The following CDH20 variants were observed in gnomAD, a reference collection of about 807,000 sequenced individuals.
The protein encoded by CDH20 is cadherin 20, also known as cadherin-20.
CDH20 carries 29 observed loss-of-function variants against 74.2 expected under a neutral mutation model. That is an observed-to-expected ratio of 0.39 (90% CI 0.29 to 0.53). CDH20 has a LOEUF of 0.53. CDH20 is among the 20% of genes least tolerant of loss of function. The pLI, the probability that CDH20 is intolerant of heterozygous loss-of-function variation, is 0.69. For synonymous variants in CDH20, 469 were observed against 405.4 expected, an observed-to-expected ratio of 1.16 and a Z score of -1.88; for missense variants, 988 against 1,048.3, an observed-to-expected ratio of 0.94 and a Z score of 0.79.
chr18:61,547,421 T>G (rs986705586), intron 10 of CDH20, among the ~76,000 whole-genome samples: 8 of 152,206 alleles, frequency 5.3e-5, no homozygotes, highest in Admixed American at 6.5e-5. Flanking sequence ...TGTCCTTTTA[T>G]GAACACAACA....
rs573027527 is a variant in CDH20 at position 61,546,767 on chromosome 18, T to C, written c.1648+1623T>C. Among the ~76,000 whole-genome samples the C allele has an allele frequency of 4.6e-5, 7 of 152,336 alleles. 1 individual carries two copies. The South Asian group carries it at 1.5e-3, about 32-fold the overall frequency. The stretch of plus-strand genomic sequence containing the variant: ...ATGGGCCACCGGCACTGGATGACTA[T>C]AGTAAGACGTGACTCATCTCTTGGA... On this transcript the variant is annotated intron_variant, in intron 10 of 11. Transcript: ENST00000262717.
rs183725001 is a variant in CDH20 at position 61,542,733 on chromosome 18, G to C, written c.1531-2294G>C. ...AGGCTGTACAAGAAGCATGGTGCCAGCATCTGCATCTAGGGAGGGCCTCAA... is the reference window on the plus strand; with the variant it reads ...AGGCTGTACAAGAAGCATGGTGCCACCATCTGCATCTAGGGAGGGCCTCAA... On this transcript the variant is annotated intron_variant, in intron 9 of 11. Coordinates refer to ENST00000262717, the MANE Select transcript of CDH20 (RefSeq NM_031891.4). Among the ~76,000 whole-genome samples, 197 of 152,292 alleles carry C rather than the reference G, an allele frequency of 1.3e-3. 1 individual carries two copies. The highest frequency in any genetic ancestry group is 3.8e-3 in the Admixed American group (58 of 15,304).
At chr18:61,485,335 G>C (rs1280120512) in intron 1 of CDH20, among the ~76,000 whole-genome samples, 1 of 152,188 alleles carries the variant, frequency 6.6e-6, no homozygotes, top group Non-Finnish European at 1.5e-5. Context: ...GAAATGTTAA[G>C]TTGGGAGGAG....
chr18:61,341,498 A>C (rs140404401), intron 1 of CDH20, among the ~76,000 whole-genome samples: 1 of 152,170 alleles, frequency 6.6e-6, no homozygotes, highest in African/African-American at 2.4e-5. Flanking sequence ...ACAAACACTC[A>C]CAGGTCATTG....
chr18:61,457,037 G>T (rs1018141565), intron 1 of CDH20, among the ~76,000 whole-genome samples: 7 of 152,154 alleles, frequency 4.6e-5, no homozygotes, highest in African/African-American at 1.7e-4. Context: ...AACATTCAGT[G>T]CATGAATGCA....
rs1913606038 is a variant in CDH20 at position 61,555,737 on chromosome 18, G to A, written c.*1042G>A. On this transcript the variant is annotated 3_prime_UTR_variant, in exon 12 of 12. Transcript: ENST00000262717. Reference sequence around the variant, plus strand: ...AATAAATATGATGTACTGCATCTCAGTACCTTAGCACTTCTTTTAATAAAA... The same window carrying A: ...AATAAATATGATGTACTGCATCTCAATACCTTAGCACTTCTTTTAATAAAA... 2.1e-6 allele frequency: 2 copies of A among 960,344 alleles called. No individual in the cohort carries two copies. Among genetic ancestry groups the A allele is most frequent in the Non-Finnish European group, 2.5e-6 (2 of 807,136 alleles). The allele number at this position is 960,344 out of a possible 1,614,324, so 59.5% of individuals were successfully genotyped here. A position where few individuals can be genotyped will look rare whatever the true frequency, so the allele number is the denominator to read the frequency against.
At chr18:61,475,670 C>T (rs1910349381) in intron 1 of CDH20, among the ~76,000 whole-genome samples, 1 of 152,086 alleles carries the variant, frequency 6.6e-6, no homozygotes, top group Admixed American at 6.6e-5. Flanking sequence ...TGATATAGAA[C>T]CTACTGTATA....
chr18:61,387,452 G>A (rs1316996619), intron 1 of CDH20, among the ~76,000 whole-genome samples: 1 of 152,170 alleles, frequency 6.6e-6, no homozygotes, highest in East Asian at 1.9e-4. Context: ...AGAACCTACA[G>A]GAGCATGTAT....
chr18:61,396,546 C>T (rs1488210844), intron 1 of CDH20, among the ~76,000 whole-genome samples: 2 of 152,144 alleles, frequency 1.3e-5, no homozygotes, highest in African/African-American at 4.8e-5. Context: ...TTCTGTTAGA[C>T]AGCTCTCCCA....
intron 10 of CDH20, among the ~76,000 whole-genome samples, chr18:61,547,865 A>G (rs898643849): frequency 6.6e-6 from 1 of 152,220 alleles, no homozygotes; most frequent in South Asian, 2.1e-4. Flanking sequence ...CACTGGACTC[A>G]GCAATGTGAT....
chr18:61,354,744 A>G (rs1173774031), intron 1 of CDH20, among the ~76,000 whole-genome samples: 1 of 152,096 alleles, frequency 6.6e-6, no homozygotes, highest in African/African-American at 2.4e-5. Flanking sequence ...ATATATTGAT[A>G]TTATTTTTTC....
At chr18:61,552,377 T>C (rs1406741459) in intron 11 of CDH20, among the ~76,000 whole-genome samples, 1 of 152,054 alleles carries the variant, frequency 6.6e-6, no homozygotes, top group African/African-American at 2.4e-5. Flanking sequence ...GTAATATTTG[T>C]TATTTACCTA....
chr18:61,446,064 C>A (rs998408179), intron 1 of CDH20, among the ~76,000 whole-genome samples: 2 of 152,200 alleles, frequency 1.3e-5, no homozygotes, highest in Admixed American at 1.3e-4. Flanking sequence ...AGCCATATCA[C>A]CTCTTAGGGC....
At chr18:61,511,162 T>G (rs765673026) in intron 6 of CDH20, among the ~76,000 whole-genome samples, 4 of 148,790 alleles carry the variant, frequency 2.7e-5, no homozygotes, top group Non-Finnish European at 5.9e-5. Context: ...AATTTTTGTG[T>G]TGTTGTTTGT....
intron 2 of CDH20, among the ~76,000 whole-genome samples, chr18:61,491,316 T>A (rs890417862): frequency 2.6e-5 from 4 of 152,240 alleles, no homozygotes; most frequent in African/African-American, 4.8e-5. Context: ...AATGTTATAT[T>A]TGAATTCTCT....
At chr18:61,402,244 C>T (rs1458394838) in intron 1 of CDH20, among the ~76,000 whole-genome samples, 1 of 152,128 alleles carries the variant, frequency 6.6e-6, no homozygotes, top group Non-Finnish European at 1.5e-5. Context: ...AAGGTATCCC[C>T]ATGCCTTTGG....
intron 1 of CDH20, among the ~76,000 whole-genome samples, chr18:61,406,242 T>C (rs1912325558): frequency 6.6e-6 from 1 of 152,230 alleles, no homozygotes; most frequent in Non-Finnish European, 1.5e-5. Context: ...ATTTTATGTG[T>C]TCGTTAAATA....
At chr18:61,483,588 A>C (rs1910662310) in intron 1 of CDH20, among the ~76,000 whole-genome samples, 1 of 152,182 alleles carries the variant, frequency 6.6e-6, no homozygotes, top group Non-Finnish European at 1.5e-5. Flanking sequence ...TGGTATGTAT[A>C]CCTATGCCTA....
At chr18:61,538,578 C>CTTTG (rs1555684264) in intron 8 of CDH20, among the ~76,000 whole-genome samples, 570 of 34,978 alleles carry the variant, frequency 0.016, 79 homozygotes, top group African/African-American at 0.028. Flanking sequence ...TAAATAACTA[C>CTTTG]TTTTTGTTTG....
Sources: gnomAD v4.1 joint callset for allele counts (sites outside exome capture counted in the v4.1 genomes callset) on GRCh38, gnomAD v4.1.1 for gene constraint, MANE v1.5 for transcripts, NCBI Gene and HGNC (gene_info 2026-07-23, HGNC 2026-07-21) for gene names.